Variants in BANK1 observed in about 807,000 individuals in gnomAD.
The protein encoded by BANK1 is B-cell scaffold protein with ankyrin repeats.
A neutral mutation model predicts 94.5 loss-of-function variants in BANK1; 95 were observed. The ratio of observed to expected loss-of-function variants is 1.00; its 90% CI spans 0.85 to 1.19. The LOEUF (loss-of-function observed/expected upper bound fraction) is 1.19. BANK1 is among the 50% of genes most tolerant of loss of function. The pLI is 0.00. For missense variants in BANK1, 987 were observed against 932.2 expected, an observed-to-expected ratio of 1.06 and a Z score of -0.77; for synonymous variants, 334 against 308.4, an observed-to-expected ratio of 1.08 and a Z score of -0.87.
chr4:102,007,092 A>AAATATATTATAT, intron 7 of BANK1, among the ~76,000 whole-genome samples: 1 of 82,318 alleles, frequency 1.2e-5, no homozygotes, highest in Middle Eastern at 5.4e-3. Flanking sequence ...ATATATATAT[A>AAATATATTATAT]ATATATTTAT....
chr4:101,983,146 A>G (rs1725375889), intron 7 of BANK1, among the ~76,000 whole-genome samples: 1 of 152,112 alleles, frequency 6.6e-6, no homozygotes, highest in Non-Finnish European at 1.5e-5. Context: ...GGAAATATTT[A>G]TCTTTAAAAT....
intron 11 of BANK1, among the ~76,000 whole-genome samples, chr4:102,059,134 C>G (rs908368584): frequency 1.3e-5 from 2 of 152,218 alleles, no homozygotes; most frequent in Non-Finnish European, 2.9e-5. Flanking sequence ...ATGCCCTCCC[C>G]ATTTCCCAAA....
chr4:101,900,964 A>C lies in BANK1; in HGVS notation c.1009+5554A>C, dbSNP rs185595354. ...AAATTTCCATAAAGAGACTGAGAAGAAGCAGCCACTCAAGGTCTTTTAAAA... is the reference window on the plus strand; with the variant it reads ...AAATTTCCATAAAGAGACTGAGAAGCAGCAGCCACTCAAGGTCTTTTAAAA... On this transcript the variant is annotated intron_variant, in intron 6 of 16. Coordinates refer to ENST00000322953, the MANE Select transcript of BANK1 (RefSeq NM_017935.5). Among the ~76,000 whole-genome samples, 12 of 152,296 alleles carry C rather than the reference A, an allele frequency of 7.9e-5. No individual in the cohort carries two copies. In the East Asian group the frequency reaches 2.3e-3, roughly 29 times the overall value.
chr4:102,022,594 G>A (rs1007789362), intron 8 of BANK1, among the ~76,000 whole-genome samples: 2 of 152,126 alleles, frequency 1.3e-5, no homozygotes, highest in Admixed American at 1.3e-4. Flanking sequence ...CAGGAGGGAG[G>A]ATTGCTACTG....
At chr4:101,980,609 C>A (rs748976605) in intron 7 of BANK1, among the ~76,000 whole-genome samples, 2 of 151,656 alleles carry the variant, frequency 1.3e-5, no homozygotes, top group Admixed American at 6.6e-5. Flanking sequence ...TTAGAAAAAC[C>A]TTGTGTATTT....
At chr4:101,964,950 G>A (rs962116968) in intron 7 of BANK1, among the ~76,000 whole-genome samples, 1 of 125,574 alleles carries the variant, frequency 8.0e-6, no homozygotes, top group Non-Finnish European at 1.6e-5. Flanking sequence ...AGAGTGTGAT[G>A]TTCCCCTTCC....
At chr4:101,858,171 G>A (rs4698975) in intron 3 of BANK1, among the ~76,000 whole-genome samples, 44,304 of 152,054 alleles carry the variant, frequency 0.29, 6,998 homozygotes, top group Non-Finnish European at 0.34. Context: ...TCAAAGAAGT[G>A]GCTCTCCACT....
At chr4:101,943,497 A>G (rs1261941803) in intron 7 of BANK1, among the ~76,000 whole-genome samples, 1 of 151,852 alleles carries the variant, frequency 6.6e-6, no homozygotes, top group African/African-American at 2.4e-5. Context: ...TGGGGATGGA[A>G]GGGACAGAAG....
At chr4:101,920,383 A>T (rs1010720733) in intron 7 of BANK1, among the ~76,000 whole-genome samples, 13 of 151,952 alleles carry the variant, frequency 8.6e-5, no homozygotes, top group Non-Finnish European at 1.5e-5. Flanking sequence ...AAAAGACACT[A>T]TCTATTCTAA....
At chr4:101,939,569 A>G (rs1723675466) in intron 7 of BANK1, among the ~76,000 whole-genome samples, 1 of 151,670 alleles carries the variant, frequency 6.6e-6, no homozygotes, top group Non-Finnish European at 1.5e-5. Flanking sequence ...ACAGAGGTTG[A>G]GAGAGACATG....
chr4:102,052,220 C>A (rs749740262), intron 11 of BANK1, among the ~76,000 whole-genome samples: 1 of 150,770 alleles, frequency 6.6e-6, no homozygotes, highest in Non-Finnish European at 1.5e-5. Context: ...CGTGTTCATC[C>A]GATTCTCCTG....
At chr4:102,030,387 CA>C (rs1727256529) in intron 10 of BANK1, 122 bp downstream of exon 10, 1 of 962,938 alleles carries the variant, frequency 1.0e-6, no homozygotes, top group African/African-American at 1.7e-5. Context: ...CATTTTTTTT[CA>C]AGTCACAGCT....
rs544106805 is a variant in BANK1, at chr4:101,946,823, C to T, written c.1206+28634C>T. On this transcript the variant is annotated intron_variant, in intron 7 of 16. Coordinates refer to ENST00000322953, the MANE Select transcript of BANK1 (RefSeq NM_017935.5). The stretch of plus-strand genomic sequence containing the variant: ...GAATAACAAATTTAATACCAATCCC[C>T]GCTGAAATTCTAGAAGGTCATGTGG... Among the ~76,000 whole-genome samples, 20 of 151,976 alleles carry T rather than the reference C, an allele frequency of 1.3e-4. No homozygotes were observed. In the South Asian group the frequency reaches 4.0e-3, roughly 30 times the overall value.
intron 7 of BANK1, among the ~76,000 whole-genome samples, chr4:101,938,093 T>TG (rs1237268317): frequency 3.4e-5 from 5 of 148,472 alleles, no homozygotes; most frequent in Non-Finnish European, 7.5e-5. Context: ...CTGTCAGGGG[T>TG]GGGGGTCTAG....
intron 10 of BANK1, among the ~76,000 whole-genome samples, chr4:102,040,860 C>G (rs1560703518): frequency 6.6e-6 from 1 of 151,566 alleles, no homozygotes; most frequent in Admixed American, 6.6e-5. Context: ...CATCTAAGCC[C>G]TAACTTTATT....
intron 7 of BANK1, among the ~76,000 whole-genome samples, chr4:101,919,479 G>A (rs551583691): frequency 4.0e-5 from 6 of 151,884 alleles, no homozygotes; most frequent in Non-Finnish European, 8.8e-5. Flanking sequence ...ACAATGGTAG[G>A]ATATGAGGTT....
intron 7 of BANK1, among the ~76,000 whole-genome samples, chr4:101,975,062 G>A (rs1234923011): frequency 2.0e-5 from 3 of 152,078 alleles, no homozygotes; most frequent in Non-Finnish European, 4.4e-5. Flanking sequence ...AAGAGAGAGA[G>A]GGACTGGGGG....
rs754599173 is a variant in BANK1, at chr4:101,855,157, G to A, written c.592G>A (p.Ala198Thr). 6.2e-6 allele frequency: 10 copies of A among 1,613,226 alleles called. No homozygotes were observed. The South Asian group carries it at 1.1e-4, about 18-fold the overall frequency. The change falls in exon 3 of 17, where the codon GCA becomes ACA. Residue 198 changes from alanine to threonine, a missense_variant. Ala to Thr is a moderately conservative substitution (Grantham distance 58, BLOSUM62 0). Transcript: ENST00000322953. ...SEASRNTIPL[A>T]VVLPTEIPCE... ...AGCTTCAAGAAACACCATACCACTA[G>A]CAGTGGTGCTTCCCACTGAAATTCC...
intron 1 of BANK1, among the ~76,000 whole-genome samples, chr4:101,826,190 A>C (rs1726359356): frequency 6.6e-6 from 1 of 152,066 alleles, no homozygotes; most frequent in African/African-American, 2.4e-5. Flanking sequence ...TACTGTGCAT[A>C]GTTAAGACTA....
Sources: allele counts gnomAD v4.1 joint callset (sites outside exome capture counted in the v4.1 genomes callset), GRCh38; gene constraint gnomAD v4.1.1; transcripts MANE v1.5; gene names NCBI Gene and HGNC (gene_info 2026-07-23, HGNC 2026-07-21).